Variants in ZFPM1 observed in about 807,000 individuals in gnomAD.
ZFPM1 encodes the protein zinc finger protein, FOG family member 1, also known as zinc finger protein ZFPM1.
A neutral mutation model predicts 46.3 loss-of-function variants in ZFPM1; 28 were observed. The ratio of observed to expected loss-of-function variants is 0.60; its 90% CI spans 0.45 to 0.83. The LOEUF (loss-of-function observed/expected upper bound fraction) is 0.83, where lower values mean the gene tolerates loss of function less well. Ranked by LOEUF, ZFPM1 falls within the 40% of genes least tolerant of loss-of-function variation. The pLI, the probability that ZFPM1 is intolerant of heterozygous loss-of-function variation, is 0.00. For synonymous variants in ZFPM1, 957 were observed against 675.9 expected (o/e 1.42, Z -6.45); for missense variants, 1,878 against 1,432.4 (o/e 1.31, Z -5.02).
chr16:88,493,146 G>T (rs193197019), intron 3 of ZFPM1, among the ~76,000 whole-genome samples: 1 of 107,958 alleles, frequency 9.3e-6, no homozygotes. Context: ...GGTGGGGAGA[G>T]CTGTCCCGGG....
At chr16:88,485,440 CT>C (rs56232487) in intron 1 of ZFPM1, among the ~76,000 whole-genome samples, 338 of 139,124 alleles carry the variant, frequency 2.4e-3, no homozygotes, top group Non-Finnish European at 2.4e-3. Flanking sequence ...ATCATCAGGT[CT>C]TTTTTTTTTT....
chr16:88,455,783 G>C (rs915062602), intron 1 of ZFPM1, among the ~76,000 whole-genome samples: 2 of 152,198 alleles, frequency 1.3e-5, no homozygotes, highest in Admixed American at 1.3e-4. Flanking sequence ...ACGTGGGAGC[G>C]GGGGCAGGGC....
chr16:88,461,268 C>CGGGAGGCCTGGTGAGGACCGAG (rs1907875733), intron 1 of ZFPM1, among the ~76,000 whole-genome samples: 1 of 125,976 alleles, frequency 7.9e-6, no homozygotes, highest in East Asian at 2.6e-4. Flanking sequence ...TGAGGACCGA[C>CGGGAGGCCTGGTGAGGACCGAG]GGGTGCGAGG....
At chr16:88,518,476 T>A (rs1412894582) in intron 4 of ZFPM1, among the ~76,000 whole-genome samples, 1 of 148,778 alleles carries the variant, frequency 6.7e-6, no homozygotes, top group Non-Finnish European at 1.5e-5. Flanking sequence ...GGTGGGTAGA[T>A]GGGTAGATGG....
chr16:88,506,136 A>G (rs1910644288), intron 3 of ZFPM1, among the ~76,000 whole-genome samples: 1 of 152,192 alleles, frequency 6.6e-6, no homozygotes, highest in African/African-American at 2.4e-5. Context: ...AGCAGAGGCC[A>G]GGCATCATGG....
At chr16:88,529,724 C>T (rs1192606956) in intron 6 of ZFPM1, among the ~76,000 whole-genome samples, 1 of 152,188 alleles carries the variant, frequency 6.6e-6, no homozygotes, top group African/African-American at 2.4e-5. Context: ...GCGAGACCAA[C>T]AGCAGAGAAA....
At chr16:88,472,603 C>T (rs964285373) in intron 1 of ZFPM1, among the ~76,000 whole-genome samples, 3 of 152,200 alleles carry the variant, frequency 2.0e-5, no homozygotes, top group Non-Finnish European at 2.9e-5. Flanking sequence ...CTGCCCGCCT[C>T]AGCCTCCCAA....
At chr16:88,514,974 C>G (rs550212335) in intron 4 of ZFPM1, among the ~76,000 whole-genome samples, 1 of 152,164 alleles carries the variant, frequency 6.6e-6, no homozygotes, top group Non-Finnish European at 1.5e-5. Flanking sequence ...GGCCTCGGCA[C>G]GTGTGCTCAT....
intron 9 of ZFPM1, 97 bp from the exon 10 acceptor site, chr16:88,533,051 T>TGCCC: frequency 1.3e-5 from 17 of 1,351,626 alleles, no homozygotes; most frequent in Non-Finnish European, 1.6e-5. Context: ...TCTAAACCAC[T>TGCCC]CCCGCCCACC....
At chr16:88,458,191 G>A (rs1460620338) in intron 1 of ZFPM1, among the ~76,000 whole-genome samples, 1 of 152,236 alleles carries the variant, frequency 6.6e-6, no homozygotes, top group Non-Finnish European at 1.5e-5. Context: ...GCACCGCGCT[G>A]CCTTCTCTCC....
At chr16:88,451,880 C>T (rs1907296024), upstream of ZFPM1, among the ~76,000 whole-genome samples, 1 of 152,022 alleles carries the variant, frequency 6.6e-6, no homozygotes. Flanking sequence ...GGCGCATATC[C>T]AGTGTTGTAC....
At chr16:88,487,956 C>T (rs974232291) in intron 2 of ZFPM1, among the ~76,000 whole-genome samples, 10 of 152,364 alleles carry the variant, frequency 6.6e-5, no homozygotes, top group African/African-American at 1.2e-4. Context: ...CCGCCGTCCC[C>T]GTCGGCACAC....
chr16:88,499,658 ACAGAGGGAG>A (rs1910140887), intron 3 of ZFPM1, among the ~76,000 whole-genome samples: 1 of 152,194 alleles, frequency 6.6e-6, no homozygotes, highest in African/African-American at 2.4e-5. Context: ...TCAGGGGCAG[ACAGAGGGAG>A]ATCTGAGAAA....
chr16:88,527,796 C>T (rs958343252), intron 5 of ZFPM1, among the ~76,000 whole-genome samples: 6 of 151,426 alleles, frequency 4.0e-5, no homozygotes, highest in Admixed American at 6.6e-5. Flanking sequence ...GAGACTTCCT[C>T]GGGGCCCTCC....
intron 1 of ZFPM1, among the ~76,000 whole-genome samples, chr16:88,466,549 G>T (rs892848104): frequency 2.6e-5 from 4 of 152,228 alleles, no homozygotes; most frequent in Non-Finnish European, 5.9e-5. Flanking sequence ...GCACAGAAAG[G>T]GCAGGGGACG....
chr16:88,512,310 C>T lies in ZFPM1; in HGVS notation c.269-2077C>T, dbSNP rs75044114. ...ACCTCAGCACCCTTGAGGTGTGATA[C>T]GCGGCAGGTGTGGACGCTGCAGGCC... On this transcript the variant is annotated intron_variant, in intron 3 of 9. Transcript: ENST00000319555. 6.0e-3 allele frequency among the ~76,000 whole-genome samples: 908 copies of T among 152,256 alleles called. 12 individuals are homozygous for T. The highest frequency in any genetic ancestry group is 0.021 in the African/African-American group (864 of 41,540).
intron 3 of ZFPM1, among the ~76,000 whole-genome samples, chr16:88,493,037 G>A (rs1470575932): frequency 9.3e-5 from 14 of 150,520 alleles, no homozygotes; most frequent in African/African-American, 3.4e-4. Flanking sequence ...CTGTCCCGGG[G>A]TATGGAGAGC....
intron 1 of ZFPM1, among the ~76,000 whole-genome samples, chr16:88,481,437 C>A (rs942887461): frequency 1.3e-5 from 2 of 150,348 alleles, no homozygotes; most frequent in African/African-American, 4.9e-5. Flanking sequence ...ACCACCGCTG[C>A]CTCCTCGCCG....
At chr16:88,527,053 G>A (rs895707478) in intron 5 of ZFPM1, 137 bp downstream of exon 5, 25 of 1,366,274 alleles carry the variant, frequency 1.8e-5, no homozygotes, top group African/African-American at 7.3e-5. Flanking sequence ...GGCCCCGGGC[G>A]CTGCAGCATG....
Sources: gnomAD v4.1 joint callset for allele counts (sites outside exome capture counted in the v4.1 genomes callset) on GRCh38, gnomAD v4.1.1 for gene constraint, MANE v1.5 for transcripts, NCBI Gene and HGNC (gene_info 2026-07-23, HGNC 2026-07-21) for gene names.